Variants in ANO10 observed in about 807,000 individuals in gnomAD.
ANO10 encodes the protein anoctamin-10.
A neutral mutation model predicts 74.7 loss-of-function variants in ANO10; 77 were observed. The ratio of observed to expected loss-of-function variants is 1.03; its 90% CI spans 0.86 to 1.25. ANO10 has a LOEUF of 1.25. ANO10 is among the 50% of genes most tolerant of loss of function. The pLI is 0.00. For missense variants in ANO10, 721 were observed against 778.1 expected (o/e 0.93, Z 0.87); for synonymous variants, 279 against 284.9 (o/e 0.98, Z 0.21).
At chr3:43,427,820 G>A (rs1236708412) in intron 12 of ANO10, among the ~76,000 whole-genome samples, 1 of 152,186 alleles carries the variant, frequency 6.6e-6, no homozygotes, top group East Asian at 1.9e-4. Flanking sequence ...TGAAGTCATG[G>A]CCAGTTAATT....
At chr3:43,548,740 T>A (rs1474430453) in intron 11 of ANO10, among the ~76,000 whole-genome samples, 1 of 152,178 alleles carries the variant, frequency 6.6e-6, no homozygotes, top group East Asian at 1.9e-4. Context: ...TGAAAGGTGG[T>A]TACAATATTC....
chr3:43,397,043 C>T (rs1271531517), intron 12 of ANO10, among the ~76,000 whole-genome samples: 1 of 151,898 alleles, frequency 6.6e-6, no homozygotes, highest in African/African-American at 2.4e-5. Context: ...GATTCTCCTG[C>T]CTCAGCCTCC....
At chr3:43,464,882 G>C (rs147081322) in intron 11 of ANO10, among the ~76,000 whole-genome samples, 106 of 152,244 alleles carry the variant, frequency 7.0e-4, no homozygotes, top group African/African-American at 2.2e-3. Flanking sequence ...CTGAGAAAGA[G>C]AGTCACTAAC....
intron 12 of ANO10, among the ~76,000 whole-genome samples, chr3:43,423,251 T>C (rs2092847185): frequency 6.6e-6 from 1 of 152,234 alleles, no homozygotes. Context: ...TTTCCATTTC[T>C]GCCAGAGTAT....
At chr3:43,626,975 C>T (rs1025533420), upstream of ANO10, among the ~76,000 whole-genome samples, 12 of 122,688 alleles carry the variant, frequency 9.8e-5, no homozygotes, top group African/African-American at 3.4e-4. Context: ...CCTACAATAG[C>T]AGCCATTGAA....
intron 1 of ANO10, among the ~76,000 whole-genome samples, chr3:43,673,791 C>A (rs966437713): frequency 6.6e-6 from 1 of 152,056 alleles, no homozygotes; most frequent in Non-Finnish European, 1.5e-5. Context: ...ATCATCGCGA[C>A]TTTAAATTTT....
At chr3:43,673,616 A>G (rs1387231405) in intron 1 of ANO10, among the ~76,000 whole-genome samples, 1 of 152,220 alleles carries the variant, frequency 6.6e-6, no homozygotes, top group East Asian at 1.9e-4. Flanking sequence ...ACCAGGAAAA[A>G]ACAACCAGAA....
chr3:43,467,056 T>G (rs2075657153), intron 11 of ANO10, among the ~76,000 whole-genome samples: 1 of 152,206 alleles, frequency 6.6e-6, no homozygotes, highest in African/African-American at 2.4e-5. Flanking sequence ...TCAATGCATC[T>G]ATCAGAATGG....
At position 43,691,006 on chromosome 3, in the gene ANO10, A is replaced by C. The variant is rs757473420; in HGVS notation, c.-12+511T>G. The C allele has an allele frequency of 2.7e-5, 43 of 1,566,962 alleles. No homozygotes were observed. The highest frequency in any genetic ancestry group is 3.4e-4 in the Middle Eastern group (2 of 5,920). ...GCGGCGGCGGCTATGGCGGCGGAGGAGGAGGAGGTGGACTCTGCCGACACC... is the reference window on the plus strand; with the variant it reads ...GCGGCGGCGGCTATGGCGGCGGAGGCGGAGGAGGTGGACTCTGCCGACACC... On this transcript the variant is annotated intron_variant, in intron 1 of 3. Coordinates refer to the ANO10 transcript ENST00000413397.
At chr3:43,415,914 T>C (rs1017767197) in intron 12 of ANO10, among the ~76,000 whole-genome samples, 1 of 152,078 alleles carries the variant, frequency 6.6e-6, no homozygotes, top group Admixed American at 6.6e-5. Flanking sequence ...ACAGAAGTGA[T>C]CTGTGGACAG....
chr3:43,668,202 T>A lies in ANO10; in HGVS notation c.-12+23315A>T, dbSNP rs558178119. Among the ~76,000 whole-genome samples, 17 of 152,324 alleles carry A rather than the reference T, an allele frequency of 1.1e-4. No individual in the cohort carries two copies. In the East Asian group the frequency reaches 2.3e-3, roughly 21 times the overall value. ...ATGATGAGTGATGTTGAGCATTTTT[T>A]AATATGTTTGTTGGCTGTTTGTATA... On this transcript the variant is annotated intron_variant, in intron 1 of 3. Transcript: ENST00000413397.
At chr3:43,509,625 G>A (rs945657564) in intron 11 of ANO10, among the ~76,000 whole-genome samples, 1 of 152,138 alleles carries the variant, frequency 6.6e-6, no homozygotes, top group Non-Finnish European at 1.5e-5. Flanking sequence ...AACCACTCTG[G>A]AAAACAGTTT....
At chr3:43,576,059 T>C (rs1310309382) in intron 6 of ANO10, among the ~76,000 whole-genome samples, 1 of 152,360 alleles carries the variant, frequency 6.6e-6, no homozygotes, top group East Asian at 1.9e-4. Flanking sequence ...AAGACCATTT[T>C]CAACTTATAA....
chr3:43,602,156 T>A (rs1051114611), intron 2 of ANO10, among the ~76,000 whole-genome samples: 3 of 152,134 alleles, frequency 2.0e-5, no homozygotes, highest in Admixed American at 6.5e-5. Flanking sequence ...GTCTGAAGGC[T>A]CTCTAGACCC....
intron 1 of ANO10, among the ~76,000 whole-genome samples, chr3:43,608,529 T>G (rs887846996): frequency 6.6e-6 from 1 of 152,138 alleles, no homozygotes; most frequent in African/African-American, 2.4e-5. Context: ...CCTCCCCAAA[T>G]TGCTGGGACT....
At chr3:43,491,407 AG>A (rs755180126) in intron 11 of ANO10, among the ~76,000 whole-genome samples, 20 of 152,112 alleles carry the variant, frequency 1.3e-4, no homozygotes, top group Non-Finnish European at 2.8e-4. Context: ...CCAGCTACTA[AG>A]GAGGCTGCGG....
chr3:43,547,726 AACAGTATTTAT>A (rs1397480854), intron 11 of ANO10, among the ~76,000 whole-genome samples: 1 of 152,270 alleles, frequency 6.6e-6, no homozygotes, highest in Non-Finnish European at 1.5e-5. Flanking sequence ...CCACCTGCAG[AACAGTATTTAT>A]AGGCCAGTAA....
chr3:43,689,543 TA>T (rs1307693432), intron 1 of ANO10: 1 of 152,188 alleles, frequency 6.6e-6, no homozygotes, highest in African/African-American at 2.4e-5. Flanking sequence ...TCAAACACAA[TA>T]AAAAATGTAT....
chr3:43,647,553 C>G (rs528549275), intron 1 of ANO10, among the ~76,000 whole-genome samples: 2 of 152,248 alleles, frequency 1.3e-5, no homozygotes, highest in East Asian at 3.9e-4. Context: ...AAATGTTAAT[C>G]TCTTCTGGAA....
Sources: allele counts gnomAD v4.1 joint callset (sites outside exome capture counted in the v4.1 genomes callset), GRCh38; gene constraint gnomAD v4.1.1; transcripts MANE v1.5; gene names NCBI Gene and HGNC (gene_info 2026-07-23, HGNC 2026-07-21).